The following MYCT1 variants were observed in gnomAD, a reference collection of about 807,000 sequenced individuals.
MYCT1 encodes the protein MYC target 1, also known as myc target protein 1.
In MYCT1, 12 loss-of-function variants were observed where a neutral mutation model predicts 15.0. The observed-to-expected ratio is 0.80, with a 90% confidence interval of 0.51 to 1.29. The LOEUF is 1.29. Among genes scored for constraint, MYCT1 ranks in the 50% most tolerant of loss-of-function variants. The probability of loss-of-function intolerance (pLI) is 0.00; values close to 1 mark genes in which losing one functional copy is unlikely to be tolerated. For missense variants in MYCT1, 287 were observed against 279.1 expected (o/e 1.03, Z -0.20); for synonymous variants, 104 against 102.7 (o/e 1.01, Z -0.07).
At chr6:152,706,447 T>C (rs2099722270) in intron 1 of MYCT1, among the ~76,000 whole-genome samples, 1 of 152,210 alleles carries the variant, frequency 6.6e-6, no homozygotes, top group South Asian at 2.1e-4. Context: ...TTTTTACTAC[T>C]ATTTTCTTAA....
intron 1 of MYCT1, among the ~76,000 whole-genome samples, chr6:152,720,229 T>G (rs761755223): frequency 6.6e-6 from 1 of 151,994 alleles, no homozygotes; most frequent in Admixed American, 6.6e-5. Context: ...CTTATTTATA[T>G]GCTGACAATG....
In MYCT1 at chr6:152,723,546, C is replaced by G. The variant is rs2099725088; in HGVS notation, c.*1293C>G. 1 of 152,252 alleles carries G rather than the reference C, an allele frequency of 6.6e-6. No individual in the cohort carries two copies. The highest frequency in any genetic ancestry group is 1.5e-5 in the Non-Finnish European group (1 of 68,062). The allele number at this position is 152,252 out of a possible 1,614,324, so 9.4% of individuals were successfully genotyped here. ...AAGAATTCTCCTTCCTGGATTGACT[C>G]TTAATCATCAGGCATCATTCCTGGT... On this transcript the variant is annotated 3_prime_UTR_variant, in exon 2 of 2. Transcript: ENST00000367245.
chr6:152,725,374 C>T (rs975216257), downstream of MYCT1, among the ~76,000 whole-genome samples: 2 of 152,142 alleles, frequency 1.3e-5, no homozygotes, highest in African/African-American at 4.8e-5. Context: ...TGGTAAAATA[C>T]TGCATGTTAC....
At chr6:152,717,232 T>C (rs2099723843) in intron 1 of MYCT1, among the ~76,000 whole-genome samples, 1 of 152,208 alleles carries the variant, frequency 6.6e-6, no homozygotes, top group Non-Finnish European at 1.5e-5. Flanking sequence ...TCTTTCTTAT[T>C]GCCTTTCTGC....
chr6:152,722,722 T>C lies in MYCT1; in HGVS notation c.*469T>C. ...AATGACAAGTGAATCATATTGACAT[T>C]TTACAATCTTAGATTTTTCTTTTTT... is the stretch of plus-strand genomic sequence containing the variant. On this transcript the variant is annotated 3_prime_UTR_variant, in exon 2 of 2. Coordinates refer to ENST00000367245, the MANE Select transcript of MYCT1 (RefSeq NM_025107.3). 2.6e-6 allele frequency: 1 copy of C among 382,662 alleles called. No homozygotes were observed. Among genetic ancestry groups the C allele is most frequent in the Non-Finnish European group, 5.1e-6 (1 of 195,616 alleles). The allele number at this position is 382,662 out of a possible 1,614,324, so 23.7% of individuals were successfully genotyped here.
intron 1 of MYCT1, among the ~76,000 whole-genome samples, chr6:152,707,124 A>G (rs1328080981): frequency 6.6e-6 from 1 of 152,100 alleles, no homozygotes; most frequent in East Asian, 1.9e-4. Flanking sequence ...ATTTTCATCA[A>G]CACTGTACAG....
At chr6:152,698,522 A>G (rs756308552) in intron 1 of MYCT1, among the ~76,000 whole-genome samples, 2 of 152,142 alleles carry the variant, frequency 1.3e-5, no homozygotes, top group Non-Finnish European at 2.9e-5. Context: ...TTATTTTATG[A>G]AACTGAGATT....
chr6:152,726,589 G>C (rs566383007), downstream of MYCT1, among the ~76,000 whole-genome samples: 1 of 151,842 alleles, frequency 6.6e-6, no homozygotes, highest in Admixed American at 6.6e-5. Context: ...ATGCCAACTG[G>C]ACAGGGCACA....
At chr6:152,702,398 T>A (rs1555093442) in intron 1 of MYCT1, among the ~76,000 whole-genome samples, 15 of 152,212 alleles carry the variant, frequency 9.9e-5, no homozygotes, top group Non-Finnish European at 1.5e-5. Flanking sequence ...TCTATATGTT[T>A]AAAAAATTAT....
intron 1 of MYCT1, among the ~76,000 whole-genome samples, chr6:152,708,763 T>A (rs1185042153): frequency 6.6e-6 from 1 of 152,094 alleles, no homozygotes; most frequent in Non-Finnish European, 1.5e-5. Flanking sequence ...GTTTTCATTA[T>A]CCCCAGACTA....
chr6:152,725,455 A>G (rs990154967), downstream of MYCT1, among the ~76,000 whole-genome samples: 13 of 152,160 alleles, frequency 8.5e-5, no homozygotes, highest in Non-Finnish European at 1.5e-5. Context: ...GCTAATTATT[A>G]TTATTATTTG....
intron 1 of MYCT1, among the ~76,000 whole-genome samples, chr6:152,701,417 A>C (rs937944719): frequency 6.6e-6 from 1 of 152,200 alleles, no homozygotes; most frequent in Non-Finnish European, 1.5e-5. Flanking sequence ...TCAGGGACAT[A>C]GTTTGTAAGG....
chr6:152,712,724 C>A (rs114059598), intron 1 of MYCT1, among the ~76,000 whole-genome samples: 3,299 of 152,170 alleles, frequency 0.022, 117 homozygotes, highest in African/African-American at 0.076. Context: ...TCTGAGTTGA[C>A]AGCTTTTTTA....
intron 1 of MYCT1, among the ~76,000 whole-genome samples, chr6:152,715,778 C>A (rs188781624): frequency 6.6e-5 from 10 of 152,168 alleles, no homozygotes; most frequent in African/African-American, 2.4e-4. Flanking sequence ...TAGATTACAA[C>A]CAGGGATGGG....
At position 152,698,099 on chromosome 6, in the gene MYCT1, G is replaced by A. The variant is rs185519728; in HGVS notation, c.196+1G>A. On this transcript the variant is annotated splice_donor_variant, in intron 1 of 1. Coordinates refer to ENST00000367245, the MANE Select transcript of MYCT1 (RefSeq NM_025107.3). LOFTEE classifies it high-confidence loss of function. ...AGTCCATGGCCAGAAAACTTTTGGG[G>A]TAAGGTATTTTCTTTTACTGTTTAA... 4 of 1,537,008 alleles carry A rather than the reference G, an allele frequency of 2.6e-6. No homozygotes were observed. The highest frequency in any genetic ancestry group is 3.5e-6 in the Non-Finnish European group (4 of 1,148,182).
At chr6:152,741,447 C>T in the MYCT1 span, among the ~76,000 whole-genome samples, 12 of 152,040 alleles carry the variant, frequency 7.9e-5, no homozygotes, top group Admixed American at 3.3e-4. Context: ...TTCTTATCAG[C>T]GCTCATTTGG....
At chr6:152,721,241 G>A (rs1330525977) in intron 1 of MYCT1, among the ~76,000 whole-genome samples, 1 of 152,210 alleles carries the variant, frequency 6.6e-6, no homozygotes, top group African/African-American at 2.4e-5. Flanking sequence ...CTCAGAAAGA[G>A]CAAAGGAAGT....
intron 1 of MYCT1, among the ~76,000 whole-genome samples, chr6:152,712,478 C>T (rs1284997079): frequency 1.4e-5 from 1 of 72,448 alleles, no homozygotes; most frequent in Non-Finnish European, 3.3e-5. Flanking sequence ...ATGCCTCGCC[C>T]TGCTTCGGCT....
At chr6:152,727,812 G>A (rs923585529), downstream of MYCT1, among the ~76,000 whole-genome samples, 1 of 152,162 alleles carries the variant, frequency 6.6e-6, no homozygotes, top group Non-Finnish European at 1.5e-5. Context: ...TGAACTGTGG[G>A]ATTCTCAGAG....
Sources: gnomAD v4.1 joint callset for allele counts (sites outside exome capture counted in the v4.1 genomes callset) on GRCh38, gnomAD v4.1.1 for gene constraint, MANE v1.5 for transcripts, NCBI Gene and HGNC (gene_info 2026-07-23, HGNC 2026-07-21) for gene names.